SFMBT2: variants seen among roughly 807,000 people sequenced by gnomAD.
SFMBT2 encodes the protein Scm like with four mbt domains 2, also known as scm-like with four MBT domains protein 2.
Under a neutral mutation model 110.1 loss-of-function variants are expected in SFMBT2, and 38 were observed. That is an observed-to-expected ratio of 0.35 (90% confidence interval 0.27 to 0.45). The LOEUF (loss-of-function observed/expected upper bound fraction) is 0.45, where lower values mean the gene tolerates loss of function less well. Among genes scored for constraint, SFMBT2 ranks in the 20% least tolerant of loss-of-function variants. The pLI is 1.00. For synonymous variants in SFMBT2, 425 were observed against 425.4 expected (o/e 1.00, Z 0.01); for missense variants, 1,011 against 1,094.9 (o/e 0.92, Z 1.08).
chr10:7,274,494 G>C (rs1276194293), intron 7 of SFMBT2, among the ~76,000 whole-genome samples: 1 of 152,152 alleles, frequency 6.6e-6, no homozygotes, highest in Non-Finnish European at 1.5e-5. Flanking sequence ...CATGAGATCT[G>C]ATGATAAGGG....
At chr10:7,298,867 C>A (rs771020253) in intron 4 of SFMBT2, among the ~76,000 whole-genome samples, 1 of 152,020 alleles carries the variant, frequency 6.6e-6, no homozygotes, top group African/African-American at 2.4e-5. Context: ...AGCACCATGA[C>A]CCTGAAAGGA....
chr10:7,240,559 AG>A (rs1450287527), intron 9 of SFMBT2, among the ~76,000 whole-genome samples: 1 of 152,226 alleles, frequency 6.6e-6, no homozygotes, highest in African/African-American at 2.4e-5. Flanking sequence ...GGAAAATAAA[AG>A]TTTAGCAAAA....
At chr10:7,296,937 A>G (rs1320056587) in intron 4 of SFMBT2, among the ~76,000 whole-genome samples, 1 of 152,204 alleles carries the variant, frequency 6.6e-6, no homozygotes, top group African/African-American at 2.4e-5. Flanking sequence ...TCCTGGGTCT[A>G]AAGCAGACGG....
intron 16 of SFMBT2, among the ~76,000 whole-genome samples, chr10:7,186,019 A>T (rs974856180): frequency 2.0e-5 from 3 of 152,178 alleles, no homozygotes; most frequent in Admixed American, 2.0e-4. Context: ...TTTTCAATAC[A>T]TGTTGAAGGT....
At position 7,170,179 on chromosome 10, in the gene SFMBT2, G is replaced by C. The variant is rs1246437516; in HGVS notation, c.2544+749C>G. ...CGGCTAGGGGCCTGGGCCCCCAGCT[G>C]ACAGCACAGTGCTGAGCTCTCTGGT... is the stretch of plus-strand genomic sequence containing the variant. On this transcript the variant is annotated intron_variant, in intron 20 of 20. Coordinates refer to ENST00000397167, the MANE Select transcript of SFMBT2 (RefSeq NM_001387889.1). This position sits in a 1 kb window ranked among gnomAD's most constrained non-coding sequence, Gnocchi z 4.6. Among the ~76,000 whole-genome samples, 1 of 152,198 alleles carries C rather than the reference G, an allele frequency of 6.6e-6. No individual in the cohort carries two copies. Among genetic ancestry groups the C allele is most frequent in the Non-Finnish European group, 1.5e-5 (1 of 68,036 alleles).
chr10:7,333,158 C>G (rs1387233428), intron 4 of SFMBT2, among the ~76,000 whole-genome samples: 1 of 152,148 alleles, frequency 6.6e-6, no homozygotes, highest in African/African-American at 2.4e-5. Context: ...TGAGCCACTG[C>G]GCCTTGCCAG....
intron 11 of SFMBT2, among the ~76,000 whole-genome samples, chr10:7,210,398 G>A (rs919027063): frequency 2.6e-5 from 4 of 152,186 alleles, no homozygotes; most frequent in Non-Finnish European, 5.9e-5. Context: ...GGTGAGAGAT[G>A]CCACTGGGCA....
At chr10:7,260,259 C>G (rs937954962) in intron 7 of SFMBT2, among the ~76,000 whole-genome samples, 1 of 152,158 alleles carries the variant, frequency 6.6e-6, no homozygotes, top group African/African-American at 2.4e-5. Flanking sequence ...AAAGACCAGA[C>G]AGAAAACCCT....
intron 4 of SFMBT2, among the ~76,000 whole-genome samples, chr10:7,363,754 C>T (rs993675300): frequency 8.5e-5 from 13 of 152,080 alleles, no homozygotes; most frequent in Non-Finnish European, 4.4e-5. Context: ...AAGAAGGGGA[C>T]TCACCCATGG....
chr10:7,394,199 G>A (rs1003506043), intron 1 of SFMBT2, among the ~76,000 whole-genome samples: 2 of 152,012 alleles, frequency 1.3e-5, no homozygotes, highest in Non-Finnish European at 2.9e-5. Flanking sequence ...GGCTGGTCTC[G>A]AATTCGTGGG....
At chr10:7,361,739 C>T (rs1844725848) in intron 4 of SFMBT2, among the ~76,000 whole-genome samples, 1 of 152,196 alleles carries the variant, frequency 6.6e-6, no homozygotes. Flanking sequence ...TCCTAAGGCA[C>T]TATAATTCCA....
At position 7,158,695 on chromosome 10, in the gene SFMBT2, A is replaced by G. The variant is rs1837475937; in HGVS notation, c.*5075T>C. 1 of 152,208 alleles carries G rather than the reference A, an allele frequency of 6.6e-6. No individual in the cohort carries two copies. Among genetic ancestry groups the G allele is most frequent in the African/African-American group, 2.4e-5 (1 of 41,458 alleles). 9.4% of individuals were successfully genotyped at this position (152,208 alleles called of 1,614,324 possible). A position where few individuals can be genotyped will look rare whatever the true frequency, so the allele number is the denominator to read the frequency against. On this transcript the variant is annotated 3_prime_UTR_variant, in exon 21 of 21. Transcript: ENST00000397167. Reference sequence around the variant, plus strand: ...GAAGTAAAAAGGGTTTTTTTCATTTAGAATAAAAATTAAAATATAACTCTG... The same window carrying G: ...GAAGTAAAAAGGGTTTTTTTCATTTGGAATAAAAATTAAAATATAACTCTG...
intron 7 of SFMBT2, among the ~76,000 whole-genome samples, chr10:7,273,389 A>C (rs752472965): frequency 1.3e-5 from 2 of 152,264 alleles, no homozygotes; most frequent in African/African-American, 2.4e-5. Context: ...ACTGCAAAGA[A>C]ACAGTGAACT....
chr10:7,215,029 T>C (rs369139030), intron 11 of SFMBT2, among the ~76,000 whole-genome samples: 2 of 152,226 alleles, frequency 1.3e-5, no homozygotes, highest in African/African-American at 4.8e-5. Context: ...GCTAAAATAC[T>C]CAGCACTGGG....
At chr10:7,391,933 G>T (rs190750250) in intron 1 of SFMBT2, among the ~76,000 whole-genome samples, 2 of 152,176 alleles carry the variant, frequency 1.3e-5, no homozygotes, top group East Asian at 3.9e-4. Flanking sequence ...AATGAATAAG[G>T]TCATGTATTT....
chr10:7,217,603 G>A (rs1021532285), intron 11 of SFMBT2, among the ~76,000 whole-genome samples: 1 of 152,150 alleles, frequency 6.6e-6, no homozygotes, highest in Non-Finnish European at 1.5e-5. Flanking sequence ...AAAGAGCTAG[G>A]AGAGCATACC....
Position 7,407,955 on chromosome 10 carries a change from G to A in SFMBT2, c.-52+2906C>T, listed in dbSNP as rs571518284. 2.0e-5 allele frequency among the ~76,000 whole-genome samples: 3 copies of A among 152,236 alleles called. No individual in the cohort carries two copies. The South Asian group carries it at 6.2e-4, about 32-fold the overall frequency. On this transcript the variant is annotated intron_variant, in intron 1 of 20. Coordinates refer to ENST00000397167, the MANE Select transcript of SFMBT2 (RefSeq NM_001387889.1). ...CAGAGCGGTGGTCGGCCGGGCTCCT[G>A]CCCAGTCTCGGCTCCTCCCTCCTCC... is the stretch of plus-strand genomic sequence containing the variant.
intron 7 of SFMBT2, chr10:7,264,227 G>T: frequency 4.1e-6 from 1 of 244,202 alleles, no homozygotes; most frequent in Non-Finnish European, 6.6e-6. Flanking sequence ...GATACTTAAA[G>T]AAACCATTTC....
intron 7 of SFMBT2, among the ~76,000 whole-genome samples, chr10:7,260,459 G>A (rs1395054136): frequency 6.6e-6 from 1 of 152,154 alleles, no homozygotes; most frequent in East Asian, 1.9e-4. Flanking sequence ...CTCCTCCCTT[G>A]TGGGCTCAAG....
Sources: allele counts gnomAD v4.1 joint callset (sites outside exome capture counted in the v4.1 genomes callset), GRCh38; gene constraint gnomAD v4.1.1; non-coding constraint Gnocchi (gnomAD v3.1); transcripts MANE v1.5; gene names NCBI Gene and HGNC (gene_info 2026-07-23, HGNC 2026-07-21).